CENPE: variants seen among roughly 807,000 people sequenced by gnomAD.
The protein encoded by CENPE is centromere-associated protein E.
In CENPE, 145 loss-of-function variants were observed where a neutral mutation model predicts 336.1. The observed-to-expected ratio is 0.43, with a 90% CI of 0.38 to 0.50. The LOEUF (loss-of-function observed/expected upper bound fraction) is 0.50. CENPE is among the 20% of genes least tolerant of loss of function. The pLI is 0.00. For synonymous variants in CENPE, 1,013 were observed against 984.8 expected (o/e 1.03, Z -0.54); for missense variants, 2,719 against 3,023.3 (o/e 0.90, Z 2.36).
intron 42 of CENPE, among the ~76,000 whole-genome samples, chr4:103,130,473 T>C (rs1174019179): frequency 6.6e-6 from 1 of 152,004 alleles, no homozygotes; most frequent in Non-Finnish European, 1.5e-5. Context: ...ATGTACAAGA[T>C]CTATATGAGA....
chr4:103,198,150 T>C (rs906631210), intron 1 of CENPE, 114 bp downstream of exon 1: 1 of 997,880 alleles, frequency 1.0e-6, no homozygotes, highest in Non-Finnish European at 1.5e-6. Flanking sequence ...GCCGAGTCAC[T>C]AGACAGCAGA....
chr4:103,169,616 T>C (rs1013632466), intron 16 of CENPE, among the ~76,000 whole-genome samples: 2 of 151,930 alleles, frequency 1.3e-5, no homozygotes, highest in South Asian at 4.2e-4. Context: ...CAGGCCAGGA[T>C]CATTAAAAAG....
At chr4:103,113,756 A>G (rs1470665196) in intron 46 of CENPE, among the ~76,000 whole-genome samples, 3 of 149,350 alleles carry the variant, frequency 2.0e-5, no homozygotes, top group Non-Finnish European at 4.4e-5. Flanking sequence ...ATAAGCATAC[A>G]TATATGCTTA....
intron 24 of CENPE, among the ~76,000 whole-genome samples, chr4:103,156,475 A>G (rs987852499): frequency 2.6e-5 from 4 of 152,186 alleles, no homozygotes; most frequent in African/African-American, 9.7e-5. Context: ...AGACTACTCA[A>G]TGGGGACAGG....
At position 103,158,805 on chromosome 4, in the gene CENPE, G is replaced by C; in HGVS notation, c.2683C>G (p.Gln895Glu). The change falls in exon 23 of 49, where the codon CAA becomes GAA. Residue 895 changes from glutamine (Q) to glutamate (E), a missense_variant. Physicochemically the swap from Gln to Glu is conservative, Grantham distance 29. Around this residue, in one of 5 missense-constraint regions of CENPE, gnomAD observed 2,437 missense variants for 2,513.3 expected, o/e 0.97. Coordinates refer to ENST00000265148, the MANE Select transcript of CENPE (RefSeq NM_001813.3). ...AGCGTAGAATCTCTATTTTCTAATT[G>C]TTCCTTCAGCTGTTCCATCTCATTT... is the stretch of plus-strand genomic sequence containing the variant. The part of the protein sequence containing the change: ...RLNEMEQLKE[Q>E]LENRDSTLQT... 1 of 1,613,042 alleles carries C rather than the reference G, an allele frequency of 6.2e-7. No homozygotes were observed. Among genetic ancestry groups the C allele is most frequent in the Non-Finnish European group, 8.5e-7 (1 of 1,179,424 alleles).
At chr4:103,161,996 T>G (rs551727959) in intron 18 of CENPE, among the ~76,000 whole-genome samples, 12 of 152,136 alleles carry the variant, frequency 7.9e-5, no homozygotes, top group Non-Finnish European at 1.6e-4. Context: ...TTAGCTTATA[T>G]GAAATCAATG....
chr4:103,162,220 A>G (rs1448669290), intron 18 of CENPE, among the ~76,000 whole-genome samples: 1 of 152,160 alleles, frequency 6.6e-6, no homozygotes, highest in Non-Finnish European at 1.5e-5. Flanking sequence ...ATAAAAGGCA[A>G]CAAAAGAATA....
chr4:103,136,508 A>G, intron 39 of CENPE, 149 bp from the exon 40 acceptor site: 1 of 514,812 alleles, frequency 1.9e-6, no homozygotes. Flanking sequence ...ACAAAAGGAA[A>G]CTCTTGTTGT....
At chr4:103,190,768 A>G (rs1016657053) in intron 8 of CENPE, among the ~76,000 whole-genome samples, 5 of 152,148 alleles carry the variant, frequency 3.3e-5, no homozygotes, top group African/African-American at 4.8e-5. Context: ...AAAAGCAATG[A>G]CAACAAAAGC....
rs1300865877 is a variant in CENPE at position 103,163,510 on chromosome 4, T to C, written c.1691A>G (p.Lys564Arg). The change falls in exon 17 of 49, where the codon AAG becomes AGG. Residue 564 changes from lysine (K) to arginine (R), a missense_variant. Physicochemically the swap from Lys to Arg is conservative, Grantham distance 26. Around this residue, in one of 5 missense-constraint regions of CENPE, gnomAD observed 2,437 missense variants for 2,513.3 expected, o/e 0.97. Transcript: ENST00000265148. ...ATCTTGATTATATACTTCTGCATGC[T>C]TAACTAAATTCTTTAAGTTCGAAAT... ...HEISNLKNLV[K>R]HAEVYNQDLE... 6.3e-7 allele frequency: 1 copy of C among 1,596,230 alleles called. No individual in the cohort carries two copies.
intron 48 of CENPE, among the ~76,000 whole-genome samples, chr4:103,108,085 C>T (rs1035376769): frequency 4.6e-5 from 7 of 152,152 alleles, no homozygotes; most frequent in South Asian, 2.1e-4. Context: ...CCTACCCTAA[C>T]GCTGTTGCTG....
chr4:103,121,931 T>G (rs1750661732), intron 43 of CENPE, among the ~76,000 whole-genome samples: 1 of 152,122 alleles, frequency 6.6e-6, no homozygotes, highest in Non-Finnish European at 1.5e-5. Flanking sequence ...CATACTTAAT[T>G]GGGTATATTT....
chr4:103,163,096 A>G (rs771926203), intron 18 of CENPE, 41 bp downstream of exon 18: 10 of 1,560,206 alleles, frequency 6.4e-6, no homozygotes, highest in South Asian at 1.2e-5. Flanking sequence ...TATGCTATAT[A>G]TATTTATGTG....
chr4:103,184,842 T>C (rs1578680123), intron 9 of CENPE, among the ~76,000 whole-genome samples: 1 of 152,220 alleles, frequency 6.6e-6, no homozygotes, highest in Non-Finnish European at 1.5e-5. Flanking sequence ...TTTAAAATCA[T>C]CTTACCTAAT....
chr4:103,145,510 A>G lies in CENPE; in HGVS notation c.4572+13T>C. On this transcript the variant is annotated intron_variant, in intron 31 of 48. Transcript: ENST00000265148. Reference sequence around the variant, plus strand: ...ACCCATTTCCTCCCACTGTTTCTTCATCCCCAATTTACCTTGTTCTGTAAT... The same window carrying G: ...ACCCATTTCCTCCCACTGTTTCTTCGTCCCCAATTTACCTTGTTCTGTAAT... The G allele has an allele frequency of 6.3e-7, 1 of 1,590,942 alleles. No individual in the cohort carries two copies. The highest frequency in any genetic ancestry group is 1.2e-5 in the South Asian group (1 of 86,272).
chr4:103,147,007 A>C (rs190257917), intron 29 of CENPE, among the ~76,000 whole-genome samples: 123 of 152,348 alleles, frequency 8.1e-4, no homozygotes, highest in African/African-American at 2.5e-3. Context: ...ACAATGAGAA[A>C]GCACAGTAGT....
chr4:103,125,866 C>CAAAAAAA (rs1314621341), intron 42 of CENPE, among the ~76,000 whole-genome samples: 1 of 48,062 alleles, frequency 2.1e-5, no homozygotes, highest in African/African-American at 7.4e-5. Flanking sequence ...GACTCCATCT[C>CAAAAAAA]AAAAAAAAAA....
intron 48 of CENPE, among the ~76,000 whole-genome samples, chr4:103,107,749 C>T (rs1262004265): frequency 1.3e-5 from 2 of 152,158 alleles, no homozygotes; most frequent in Non-Finnish European, 2.9e-5. Context: ...GTCTACTTCT[C>T]TCCTTCTCTA....
At chr4:103,157,253 T>C (rs1020721728) in intron 24 of CENPE, among the ~76,000 whole-genome samples, 9 of 152,018 alleles carry the variant, frequency 5.9e-5, no homozygotes, top group African/African-American at 1.7e-4. Context: ...ATATCCAAAA[T>C]AACTGAAAGC....
Sources: gnomAD v4.1 joint callset for allele counts (sites outside exome capture counted in the v4.1 genomes callset) on GRCh38, gnomAD v4.1.1 for gene constraint, gnomAD v4.1.1 regional missense constraint, MANE v1.5 for transcripts, NCBI Gene and HGNC (gene_info 2026-07-23, HGNC 2026-07-21) for gene names.